Variants in KLKB1 observed in about 807,000 individuals in gnomAD.
KLKB1 encodes kallikrein B1.
A neutral mutation model predicts 73.6 loss-of-function variants in KLKB1; 58 were observed. That is an observed-to-expected ratio of 0.79 (90% CI 0.64 to 0.98). The LOEUF (loss-of-function observed/expected upper bound fraction) is 0.98. Among genes scored for constraint, KLKB1 ranks in the 50% least tolerant of loss-of-function variants. KLKB1 has a pLI of 0.00. For missense variants in KLKB1, 737 were observed against 763.8 expected (o/e 0.96, Z 0.41); for synonymous variants, 280 against 258.1 (o/e 1.08, Z -0.81).
At chr4:186,253,814 A>G (rs1580038890) in intron 11 of KLKB1, among the ~76,000 whole-genome samples, 1 of 151,676 alleles carries the variant, frequency 6.6e-6, no homozygotes, top group African/African-American at 2.4e-5. Context: ...AAATACAGAT[A>G]TATTTTATTT....
chr4:186,229,156 C>A (rs4253335), intron 2 of KLKB1, among the ~76,000 whole-genome samples: 3,693 of 152,216 alleles, frequency 0.024, 157 homozygotes, highest in African/African-American at 0.085. Flanking sequence ...GGAGCATAAG[C>A]CAGAGACACT....
At chr4:186,246,529 G>GAGTT (rs1237062893) in intron 6 of KLKB1, among the ~76,000 whole-genome samples, 1 of 132,750 alleles carries the variant, frequency 7.5e-6, no homozygotes, top group African/African-American at 2.8e-5. Flanking sequence ...AACCATTGTC[G>GAGTT]AGTTTGTATT....
In KLKB1 at chr4:186,252,039, A is replaced by T; in HGVS notation, c.1167A>T (p.Thr389=). 1 of 1,614,208 alleles carries T rather than the reference A, an allele frequency of 6.2e-7. No individual in the cohort carries two copies. Among genetic ancestry groups the T allele is most frequent in the Non-Finnish European group, 8.5e-7 (1 of 1,180,046 alleles). ...CAGTCTGCACAACAAAAACAAGCAC[A>T]CGCATTGTTGGAGGAACAAACTCTT... ...DNSVCTTKTS[T]RIVGGTNSSW... is the part of the protein sequence containing the mutation. Residue 389 remains threonine (T), a synonymous_variant, in exon 11 of 15, where the codon ACA becomes ACT. Coordinates refer to ENST00000264690, the MANE Select transcript of KLKB1 (RefSeq NM_000892.5).
Position 186,232,157 on chromosome 4 carries a change from T to C in KLKB1, c.89T>C (p.Phe30Ser). 6.2e-7 allele frequency: 1 copy of C among 1,613,180 alleles called. No homozygotes were observed. Among genetic ancestry groups the C allele is most frequent in the South Asian group, 1.1e-5 (1 of 90,892 alleles). Residue 30 changes from phenylalanine (F) to serine (S), a missense_variant, in exon 3 of 15, where the codon TTC becomes TCC. Phe to Ser is a radical substitution (Grantham distance 155, BLOSUM62 -2). Transcript: ENST00000264690. Reference sequence around the variant, plus strand: ...CTGACTCAACTCTATGAAAACGCCTTCTTCAGAGGTGGGGATGTAGCTTCC... The same window carrying C: ...CTGACTCAACTCTATGAAAACGCCTCCTTCAGAGGTGGGGATGTAGCTTCC... ...GCLTQLYENA[F>S]FRGGDVASMY...
upstream of KLKB1, among the ~76,000 whole-genome samples, chr4:186,224,527 TC>T (rs937403247): frequency 1.8e-4 from 28 of 152,352 alleles, no homozygotes; most frequent in African/African-American, 6.5e-4. Context: ...TTTAATGACT[TC>T]CCTGCTAGGT....
chr4:186,219,447 T>A (rs375126584), intron 2 of KLKB1, among the ~76,000 whole-genome samples: 2 of 152,216 alleles, frequency 1.3e-5, no homozygotes, highest in South Asian at 2.1e-4. Context: ...CCAAATGCTG[T>A]TACATAAAGT....
chr4:186,251,385 C>A, intron 8 of KLKB1, 57 bp downstream of exon 8: 1 of 1,505,772 alleles, frequency 6.6e-7, no homozygotes, highest in Non-Finnish European at 9.2e-7. Context: ...TGACTTTTAA[C>A]AGCAACAGTG....
Position 186,228,204 on chromosome 4 carries a change from A to C in KLKB1, c.9A>C (p.Leu3Phe). 1 of 1,568,696 alleles carries C rather than the reference A, an allele frequency of 6.4e-7. No homozygotes were observed. The highest frequency in any genetic ancestry group is 1.7e-5 in the Admixed American group (1 of 59,898). Residue 3 changes from leucine (L) to phenylalanine (F), a missense_variant, in exon 2 of 15, where the codon TTA (leucine) becomes TTC (phenylalanine). Physicochemically the swap from Leu to Phe is conservative, Grantham distance 22 (BLOSUM62 0). Coordinates refer to ENST00000264690, the MANE Select transcript of KLKB1 (RefSeq NM_000892.5). MILFKQATYFISL... is the reference protein window; with the variant it reads MIFFKQATYFISL... ...TTGTTTTCTTTTTTAGAATGATTTT[A>C]TTCAAGCAAGCAACTTATTTCATTT... is the stretch of plus-strand genomic sequence containing the variant.
chr4:186,257,184 A>G (rs377686650), intron 13 of KLKB1, 42 bp from the exon 14 acceptor site: 8 of 1,122,882 alleles, frequency 7.1e-6, no homozygotes, highest in Non-Finnish European at 1.0e-5. Flanking sequence ...TTAAGTTATT[A>G]TTATTAACTT....
At chr4:186,250,467 T>C in intron 7 of KLKB1, 65 bp downstream of exon 7, 7 of 1,546,916 alleles carry the variant, frequency 4.5e-6, no homozygotes, top group Non-Finnish European at 5.4e-6. Flanking sequence ...GCTGCTGTAC[T>C]TTCATCACTT....
At position 186,233,245 on chromosome 4, in the gene KLKB1, C is replaced by G. The variant is rs575750104; in HGVS notation, c.222-707C>G. Among the ~76,000 whole-genome samples, 115 of 152,288 alleles carry G rather than the reference C, an allele frequency of 7.6e-4. 1 individual carries two copies. Among genetic ancestry groups the G allele is most frequent in the South Asian group, 2.5e-3 (12 of 4,820 alleles). ...CAATTTTTATTAGGTCAGAGAGATG[C>G]TTATTAATCACGAGCCACAGTTTCA... is the stretch of plus-strand genomic sequence containing the variant. On this transcript the variant is annotated intron_variant, in intron 3 of 14. Transcript: ENST00000264690.
intron 6 of KLKB1, among the ~76,000 whole-genome samples, chr4:186,244,271 G>A (rs1738209320): frequency 6.6e-6 from 1 of 151,982 alleles, no homozygotes; most frequent in South Asian, 2.1e-4. Flanking sequence ...AGTCAGGATG[G>A]TAAAACTTAG....
intron 3 of KLKB1, among the ~76,000 whole-genome samples, chr4:186,232,600 C>T (rs1201193510): frequency 6.6e-6 from 1 of 152,166 alleles, no homozygotes; most frequent in Non-Finnish European, 1.5e-5. Flanking sequence ...GGGATTGTCT[C>T]AAGAAAGAGT....
chr4:186,238,433 T>G, intron 6 of KLKB1, 68 bp downstream of exon 6: 9 of 1,058,760 alleles, frequency 8.5e-6, no homozygotes, highest in Non-Finnish European at 1.3e-5. Flanking sequence ...GACGTCCCTG[T>G]GCTGAGCCCT....
upstream of KLKB1, among the ~76,000 whole-genome samples, chr4:186,222,253 A>C (rs982352943): frequency 2.0e-5 from 3 of 152,222 alleles, no homozygotes; most frequent in African/African-American, 7.2e-5. Context: ...ATACATTTAC[A>C]TCTAAAGTAA....
chr4:186,220,103 G>A lies in KLKB1; in HGVS notation c.201+10831G>A, dbSNP rs192350898. 1.3e-3 allele frequency among the ~76,000 whole-genome samples: 195 copies of A among 152,084 alleles called. 1 individual carries two copies. The highest frequency in any genetic ancestry group is 4.5e-3 in the African/African-American group (185 of 41,486). On this transcript the variant is annotated intron_variant, in intron 2 of 14. Transcript: ENST00000511608. ...CTCTGAAACTAACACAACTAAGCAA[G>A]CAGAAGGTAATGTATTGGGAACAGG...
chr4:186,253,481 G>A (rs1738819192), intron 11 of KLKB1, among the ~76,000 whole-genome samples: 1 of 152,182 alleles, frequency 6.6e-6, no homozygotes, highest in South Asian at 2.1e-4. Flanking sequence ...CCCAAGATGG[G>A]AAATAGTAGG....
upstream of KLKB1, among the ~76,000 whole-genome samples, chr4:186,225,915 C>G (rs777496738): frequency 6.6e-6 from 1 of 152,056 alleles, no homozygotes; most frequent in African/African-American, 2.4e-5. Context: ...ATTTTCTTAA[C>G]AGTGTCCTAT....
In KLKB1 at chr4:186,232,266, TTCAA is replaced by T. The variant is rs1672277642; in HGVS notation, c.204_207del (p.Ile68MetfsTer11). 1.2e-6 allele frequency: 2 copies of T among 1,614,164 alleles called. No individual in the cohort carries two copies. The highest frequency in any genetic ancestry group is 1.1e-5 in the South Asian group (1 of 91,082). ...TGCTATTCAGTTTTCTTCCAGCAAG[TTCAA>T]TCAATGACATGGAGAAAAGGTAAAA... On this transcript the variant is annotated frameshift_variant, in exon 3 of 15. Coordinates refer to ENST00000264690, the MANE Select transcript of KLKB1 (RefSeq NM_000892.5). LOFTEE classifies it high-confidence loss of function.
Sources: allele counts gnomAD v4.1 joint callset (sites outside exome capture counted in the v4.1 genomes callset), GRCh38; gene constraint gnomAD v4.1.1; transcripts MANE v1.5; gene names NCBI Gene and HGNC (gene_info 2026-07-23, HGNC 2026-07-21).